The following ALDH5A1 variants were observed in gnomAD, a reference collection of about 807,000 sequenced individuals.
ALDH5A1 encodes succinate-semialdehyde dehydrogenase, mitochondrial.
ALDH5A1 carries 33 observed loss-of-function variants against 54.7 expected under a neutral mutation model. That is an observed-to-expected ratio of 0.60 (90% CI 0.46 to 0.81). The LOEUF is 0.81. Ranked by LOEUF, ALDH5A1 falls within the 30% of genes least tolerant of loss-of-function variation. ALDH5A1 has a pLI of 0.00. For missense variants in ALDH5A1, 657 were observed against 711.0 expected, an observed-to-expected ratio of 0.92 and a Z score of 0.86; for synonymous variants, 294 against 292.7, an observed-to-expected ratio of 1.00 and a Z score of -0.05.
At chr6:24,521,992 G>T (rs999012070) in intron 6 of ALDH5A1, among the ~76,000 whole-genome samples, 9 of 151,020 alleles carry the variant, frequency 6.0e-5, no homozygotes, top group Non-Finnish European at 1.2e-4. Context: ...TCAGCCTCCT[G>T]AGTAGCTGGG....
chr6:24,498,009 A>G (rs796621477), intron 1 of ALDH5A1, among the ~76,000 whole-genome samples: 5 of 131,884 alleles, frequency 3.8e-5, no homozygotes, highest in African/African-American at 1.5e-4. Context: ...GTGAAGAGTT[A>G]TCCCATAAAG....
intron 1 of ALDH5A1, among the ~76,000 whole-genome samples, chr6:24,499,059 C>T (rs1181779653): frequency 6.7e-6 from 1 of 149,566 alleles, no homozygotes; most frequent in African/African-American, 2.5e-5. Context: ...CGAGATCATG[C>T]CAACTGCACT....
intron 7 of ALDH5A1, among the ~76,000 whole-genome samples, chr6:24,525,026 A>G (rs892631530): frequency 3.9e-5 from 6 of 152,202 alleles, no homozygotes; most frequent in Non-Finnish European, 8.8e-5. Context: ...CAGGACTTCA[A>G]ACAAGCAGAC....
At chr6:24,512,660 G>T (rs1208891609) in intron 4 of ALDH5A1, among the ~76,000 whole-genome samples, 8 of 151,982 alleles carry the variant, frequency 5.3e-5, no homozygotes, top group African/African-American at 1.4e-4. Context: ...TACAGTTTGG[G>T]TCTGGTTTTT....
chr6:24,529,861 AG>A (rs1421662441), intron 8 of ALDH5A1, among the ~76,000 whole-genome samples: 6 of 151,498 alleles, frequency 4.0e-5, no homozygotes, highest in Admixed American at 2.6e-4. Flanking sequence ...TAGTAGAGAC[AG>A]GGTTTCGCCA....
intron 9 of ALDH5A1, 65 bp downstream of exon 9, chr6:24,532,242 C>G: frequency 6.6e-7 from 1 of 1,517,452 alleles, no homozygotes; most frequent in South Asian, 1.1e-5. Context: ...CCAGATTTAC[C>G]CTTTTAAACA....
intron 4 of ALDH5A1, among the ~76,000 whole-genome samples, chr6:24,510,200 T>C (rs889915851): frequency 1.3e-5 from 2 of 152,150 alleles, no homozygotes; most frequent in African/African-American, 4.8e-5. Flanking sequence ...CTTAAATTTA[T>C]TGAGGCTCAT....
chr6:24,513,089 T>C (rs1019251627), intron 4 of ALDH5A1, among the ~76,000 whole-genome samples: 2 of 41,342 alleles, frequency 4.8e-5, no homozygotes, highest in Non-Finnish European at 9.0e-5. Flanking sequence ...TTTTTCTTTT[T>C]TTTCTTGAGA....
chr6:24,533,473 T>G, intron 9 of ALDH5A1, 34 bp from the exon 10 acceptor site: 1 of 1,609,100 alleles, frequency 6.2e-7, no homozygotes, highest in Non-Finnish European at 8.5e-7. Flanking sequence ...ATGACTCTTC[T>G]AAATGCCATA....
At chr6:24,526,878 ATATATATATTC>A (rs1241023178) in intron 7 of ALDH5A1, among the ~76,000 whole-genome samples, 6 of 86,792 alleles carry the variant, frequency 6.9e-5, no homozygotes, top group Middle Eastern at 4.7e-3. Flanking sequence ...TATATCTTCT[ATATATATATTC>A]TATATATATA....
At chr6:24,499,665 TTTC>T (rs371591315) in intron 1 of ALDH5A1, among the ~76,000 whole-genome samples, 5,731 of 128,990 alleles carry the variant, frequency 0.044, 175 homozygotes, top group African/African-American at 0.072. Flanking sequence ...GATAATTTCT[TTTC>T]TTTTTTTTTT....
chr6:24,497,261 A>C (rs1764731807), intron 1 of ALDH5A1, among the ~76,000 whole-genome samples: 1 of 152,044 alleles, frequency 6.6e-6, no homozygotes, highest in Admixed American at 6.6e-5. Context: ...CTGTCCCATC[A>C]GAATGCCTTT....
chr6:24,515,450 C>T, intron 5 of ALDH5A1, 140 bp downstream of exon 5: 1 of 1,023,174 alleles, frequency 9.8e-7, no homozygotes, highest in East Asian at 2.7e-5. Context: ...GCAGGCCAAG[C>T]ACGGCGGCTC....
In ALDH5A1 at chr6:24,536,065, T is replaced by C. The variant is rs1435211652; in HGVS notation, c.*2353T>C. 1 of 152,238 alleles carries C rather than the reference T, an allele frequency of 6.6e-6. No homozygotes were observed. Among genetic ancestry groups the C allele is most frequent in the Admixed American group, 6.5e-5 (1 of 15,284 alleles). 9.4% of individuals were successfully genotyped at this position (152,238 alleles called of 1,614,324 possible). A position where few individuals can be genotyped will look rare whatever the true frequency, so the allele number is the denominator to read the frequency against. On this transcript the variant is annotated 3_prime_UTR_variant, in exon 10 of 10. Transcript: ENST00000357578. Reference sequence around the variant, plus strand: ...AGCTTATTGTTTAGTAAAATGGCCCTTGGTTGTGGGAAGAAAGAGAATTAT... The same window carrying C: ...AGCTTATTGTTTAGTAAAATGGCCCCTGGTTGTGGGAAGAAAGAGAATTAT...
At chr6:24,526,844 C>G (rs866708211) in intron 7 of ALDH5A1, among the ~76,000 whole-genome samples, 2 of 132,792 alleles carry the variant, frequency 1.5e-5, no homozygotes, top group Non-Finnish European at 3.1e-5. Flanking sequence ...TATATCTTCT[C>G]TATATATATA....
At chr6:24,502,372 G>A (rs1457762074) in intron 1 of ALDH5A1, 151 bp from the exon 2 acceptor site, 2 of 702,566 alleles carry the variant, frequency 2.8e-6, no homozygotes, top group East Asian at 2.7e-5. Context: ...AGCTATCTGG[G>A]TCTCCCAGTC....
At chr6:24,523,242 T>G (rs1033042611) in intron 7 of ALDH5A1, among the ~76,000 whole-genome samples, 6 of 151,746 alleles carry the variant, frequency 4.0e-5, no homozygotes, top group Non-Finnish European at 7.4e-5. Context: ...GTATGAGAGA[T>G]CTACATCTAT....
intron 7 of ALDH5A1, among the ~76,000 whole-genome samples, chr6:24,523,642 G>A (rs144518504): frequency 6.6e-6 from 1 of 152,268 alleles, no homozygotes; most frequent in Non-Finnish European, 1.5e-5. Context: ...TCATCTTTTG[G>A]AACACCTATG....
At chr6:24,519,793 A>C (rs1430369532) in intron 5 of ALDH5A1, among the ~76,000 whole-genome samples, 1 of 151,312 alleles carries the variant, frequency 6.6e-6, no homozygotes, top group Non-Finnish European at 1.5e-5. Context: ...CTGAATCTGC[A>C]TGGCTACATT....
Sources: allele counts gnomAD v4.1 joint callset (sites outside exome capture counted in the v4.1 genomes callset), GRCh38; gene constraint gnomAD v4.1.1; transcripts MANE v1.5; gene names NCBI Gene and HGNC (gene_info 2026-07-23, HGNC 2026-07-21).